Variants in CCSER1 observed in about 807,000 individuals in gnomAD.
CCSER1 encodes the protein serine-rich coiled-coil domain-containing protein 1.
CCSER1 carries 41 observed loss-of-function variants against 82.0 expected under a neutral mutation model. That is an observed-to-expected ratio of 0.50 (90% CI 0.39 to 0.65). The LOEUF is 0.65. CCSER1 is among the 30% of genes least tolerant of loss of function. CCSER1 has a pLI of 0.00. For missense variants in CCSER1, 1,119 were observed against 1,064.2 expected (o/e 1.05, Z -0.72); for synonymous variants, 414 against 383.9 (o/e 1.08, Z -0.92).
chr4:91,446,437 A>G (rs538715347), intron 10 of CCSER1, among the ~76,000 whole-genome samples: 4 of 151,908 alleles, frequency 2.6e-5, no homozygotes, highest in Non-Finnish European at 1.5e-5. Flanking sequence ...GAAATACTAT[A>G]CTGTTTTTCT....
intron 10 of CCSER1, among the ~76,000 whole-genome samples, chr4:91,145,131 G>A (rs1729419135): frequency 1.3e-5 from 2 of 151,958 alleles, no homozygotes; most frequent in Admixed American, 6.6e-5. Flanking sequence ...TTATGAATCT[G>A]GGTCCTCCAA....
chr4:90,564,813 T>C (rs530353457), intron 5 of CCSER1, among the ~76,000 whole-genome samples: 1 of 152,174 alleles, frequency 6.6e-6, no homozygotes, highest in Non-Finnish European at 1.5e-5. Flanking sequence ...GGCTCCTTTG[T>C]TGAAAATCAG....
chr4:90,397,971 C>A (rs140514708), intron 3 of CCSER1, among the ~76,000 whole-genome samples: 1,545 of 152,280 alleles, frequency 0.01, 17 homozygotes, highest in South Asian at 0.03. Flanking sequence ...GCTGCCATAA[C>A]AAAATACTAC....
At chr4:91,591,723 C>T (rs549975843) in intron 10 of CCSER1, among the ~76,000 whole-genome samples, 81 of 152,004 alleles carry the variant, frequency 5.3e-4, no homozygotes, top group African/African-American at 1.8e-3. Flanking sequence ...TATTTTAATG[C>T]GAGTATTTTT....
intron 3 of CCSER1, among the ~76,000 whole-genome samples, chr4:90,317,740 G>A (rs1392747221): frequency 6.6e-6 from 1 of 152,182 alleles, no homozygotes; most frequent in Non-Finnish European, 1.5e-5. Flanking sequence ...TTGGGGTTCT[G>A]TTCAATGTCT....
chr4:90,631,194 A>T (rs1724351807), intron 6 of CCSER1, among the ~76,000 whole-genome samples: 1 of 152,034 alleles, frequency 6.6e-6, no homozygotes, highest in Admixed American at 6.6e-5. Flanking sequence ...CACCTGGCCA[A>T]GTTCACAGAT....
rs370681733 is a variant in CCSER1 at position 90,507,307 on chromosome 4, CA to C, written c.1724+38964del. Among the ~76,000 whole-genome samples the C allele has an allele frequency of 4.4e-3, 521 of 118,156 alleles. 2 individuals are homozygous for C. The highest frequency in any genetic ancestry group is 0.012 in the East Asian group (51 of 4,186). 77.5% of individuals were successfully genotyped at this position (118,156 alleles called of 152,430 possible). On this transcript the variant is annotated intron_variant, in intron 5 of 10. Coordinates refer to ENST00000509176, the MANE Select transcript of CCSER1 (RefSeq NM_001145065.2). The stretch of plus-strand genomic sequence containing the variant: ...GCCCTTCCTTTGTCCCTGAAAAATG[CA>C]AAAAAAAAAACAATAAGAGGCTTGT...
chr4:90,840,678 G>C (rs1330237871), intron 8 of CCSER1, among the ~76,000 whole-genome samples: 1 of 151,980 alleles, frequency 6.6e-6, no homozygotes, highest in Non-Finnish European at 1.5e-5. Context: ...ATAGCTTAAA[G>C]CATATCAACA....
intron 9 of CCSER1, among the ~76,000 whole-genome samples, chr4:91,037,549 T>C (rs913747826): frequency 4.6e-5 from 7 of 151,494 alleles, no homozygotes; most frequent in Admixed American, 4.0e-4. Context: ...TAATCTTTTC[T>C]TATCGAGCAC....
chr4:90,381,653 A>G (rs1204868590), intron 3 of CCSER1, among the ~76,000 whole-genome samples: 1 of 152,126 alleles, frequency 6.6e-6, no homozygotes, highest in Non-Finnish European at 1.5e-5. Flanking sequence ...AGAGGGGGAA[A>G]ATGCACTTAA....
chr4:90,269,211 A>G (rs1407629141), intron 1 of CCSER1, among the ~76,000 whole-genome samples: 1 of 152,128 alleles, frequency 6.6e-6, no homozygotes, highest in Non-Finnish European at 1.5e-5. Context: ...AGAACATTTC[A>G]TGCAACAGCT....
At chr4:91,016,261 T>C (rs1195663381) in intron 9 of CCSER1, among the ~76,000 whole-genome samples, 2 of 152,030 alleles carry the variant, frequency 1.3e-5, no homozygotes, top group Non-Finnish European at 2.9e-5. Context: ...CTCAGTGAAA[T>C]GATTTATAAA....
intron 10 of CCSER1, among the ~76,000 whole-genome samples, chr4:91,269,585 T>C (rs997055413): frequency 2.6e-5 from 4 of 152,212 alleles, no homozygotes; most frequent in African/African-American, 9.6e-5. Flanking sequence ...TTTACAATGA[T>C]TATATTAACT....
In CCSER1 at chr4:90,548,632, G is replaced by A. The variant is rs1434806135; in HGVS notation, c.1725-79393G>A. On this transcript the variant is annotated intron_variant, in intron 5 of 10. Coordinates refer to ENST00000509176, the MANE Select transcript of CCSER1 (RefSeq NM_001145065.2). ...TGTCTCCTAGTGAGTGGTAGGACCT[G>A]GGAAACTCCTATTGGTATTTGTGTC... Among the ~76,000 whole-genome samples, 3 of 151,634 alleles carry A rather than the reference G, an allele frequency of 2.0e-5. No individual in the cohort carries two copies. The East Asian group carries it at 5.8e-4, about 29-fold the overall frequency.
chr4:91,528,853 G>GAAATTTATCTGGGTATA (rs1422856366), intron 10 of CCSER1, among the ~76,000 whole-genome samples: 90 of 152,162 alleles, frequency 5.9e-4, no homozygotes, highest in African/African-American at 2.1e-3. Flanking sequence ...ATGCAGAGTG[G>GAAATTTATCTGGGTATA]AAATTTATCT....
chr4:90,868,804 T>C (rs567970531), intron 8 of CCSER1, among the ~76,000 whole-genome samples: 1 of 152,144 alleles, frequency 6.6e-6, no homozygotes, highest in Non-Finnish European at 1.5e-5. Context: ...GTGGCTGTAC[T>C]AATTTACATT....
intron 5 of CCSER1, among the ~76,000 whole-genome samples, chr4:90,554,658 C>A (rs754674876): frequency 6.6e-6 from 1 of 152,144 alleles, no homozygotes; most frequent in Non-Finnish European, 1.5e-5. Context: ...TAAAGTATAA[C>A]GGAGAATATC....
intron 3 of CCSER1, among the ~76,000 whole-genome samples, chr4:90,384,343 C>G (rs1168076966): frequency 2.2e-5 from 3 of 137,018 alleles, no homozygotes; most frequent in African/African-American, 8.2e-5. Context: ...TCATTCTCAG[C>G]AAACTATCAC....
chr4:91,422,530 CAAACAGAG>C (rs1753738420), intron 10 of CCSER1, among the ~76,000 whole-genome samples: 1 of 152,088 alleles, frequency 6.6e-6, no homozygotes, highest in Admixed American at 6.5e-5. Context: ...TGTGGATTTG[CAAACAGAG>C]AATTAGGAGG....
Sources: allele counts gnomAD v4.1 joint callset (sites outside exome capture counted in the v4.1 genomes callset), GRCh38; gene constraint gnomAD v4.1.1; transcripts MANE v1.5; gene names NCBI Gene and HGNC (gene_info 2026-07-23, HGNC 2026-07-21).